The following DIP2A variants were observed in gnomAD, a reference collection of about 807,000 sequenced individuals.
DIP2A encodes the protein DIP2 acetate--CoA ligase A.
In DIP2A, 85 loss-of-function variants were observed where a neutral mutation model predicts 177.4. The observed-to-expected ratio is 0.48, with a 90% confidence interval of 0.40 to 0.57. The LOEUF (loss-of-function observed/expected upper bound fraction) is 0.57. Among genes scored for constraint, DIP2A ranks in the 20% least tolerant of loss-of-function variants. DIP2A has a pLI of 0.00. For missense variants in DIP2A, 1,791 were observed against 2,100.2 expected (o/e 0.85, Z 2.88); for synonymous variants, 886 against 881.8 (o/e 1.00, Z -0.08).
chr21:46,477,571 T>TGTGTGTGTGTG (rs762054063), intron 1 of DIP2A, among the ~76,000 whole-genome samples: 2,749 of 66,328 alleles, frequency 0.041, 91 homozygotes, highest in Non-Finnish European at 0.049. Flanking sequence ...GTGTGTGTAT[T>TGTGTGTGTGTG]TCTTTTTTTT....
In DIP2A at chr21:46,556,037, C is replaced by T. The variant is rs1347470346; in HGVS notation, c.3444C>T (p.Val1148=). The T allele has an allele frequency of 3.1e-6, 5 of 1,613,964 alleles. No individual in the cohort carries two copies. The highest frequency in any genetic ancestry group is 2.5e-6 in the Non-Finnish European group (3 of 1,179,882). Residue 1148 remains valine, a synonymous_variant, in exon 29 of 38, where the codon GTC becomes GTT. Transcript: ENST00000417564. The surrounding 1 kb of genome is among the most constrained non-coding windows in gnomAD (Gnocchi z 4.5). The part of the protein sequence containing the change: ...ASVFRPPSPD[V]LAYLDFSVST... ...TTTTCAGGCCCCCCTCCCCCGATGT[C>T]CTCGCATACTTGGACTTCAGCGTGT...
Position 46,569,658 on chromosome 21 carries a change from C to G in DIP2A, c.*2036C>G, listed in dbSNP as rs1444311137. ...GAATTACTCTGGGAATTCTGTATAT[C>G]ACACTAAAATTTTTATATCATTATG... On this transcript the variant is annotated 3_prime_UTR_variant, in exon 38 of 38. Transcript: ENST00000417564. 1 of 152,120 alleles carries G rather than the reference C, an allele frequency of 6.6e-6. No homozygotes were observed. The highest frequency in any genetic ancestry group is 2.4e-5 in the African/African-American group (1 of 41,430). 9.4% of individuals were successfully genotyped at this position (152,120 alleles called of 1,614,324 possible).
intron 33 of DIP2A, 174 bp from the exon 34 acceptor site, chr21:46,561,574 C>T (rs2060663823): frequency 1.2e-6 from 1 of 837,302 alleles, no homozygotes; most frequent in African/African-American, 1.7e-5. Flanking sequence ...CTTGGGACCG[C>T]AGCGTGGTTG....
intron 1 of DIP2A, among the ~76,000 whole-genome samples, chr21:46,476,443 T>G (rs1205296043): frequency 6.6e-6 from 1 of 151,908 alleles, no homozygotes; most frequent in Non-Finnish European, 1.5e-5. Context: ...TGGAGAAGAG[T>G]GCCCGAGGAA....
At chr21:46,517,508 G>A (rs1415371542) in intron 8 of DIP2A, among the ~76,000 whole-genome samples, 1 of 152,196 alleles carries the variant, frequency 6.6e-6, no homozygotes, top group Non-Finnish European at 1.5e-5. Flanking sequence ...GTCCAGTCAT[G>A]CCTGGCCCAG....
chr21:46,567,807 A>G lies in DIP2A; in HGVS notation c.*185A>G. The G allele has an allele frequency of 1.5e-6, 1 of 668,382 alleles. No individual in the cohort carries two copies. The highest frequency in any genetic ancestry group is 2.3e-6 in the Non-Finnish European group (1 of 440,400). The allele number at this position is 668,382 out of a possible 1,614,324, so 41.4% of individuals were successfully genotyped here. ...CTGAATTATTTAAAGAAATATTTTG[A>G]ATCTGCCAAGTACATTTACAAAAAC... On this transcript the variant is annotated 3_prime_UTR_variant, in exon 38 of 38. Coordinates refer to ENST00000417564, the MANE Select transcript of DIP2A (RefSeq NM_015151.4).
Position 46,567,682 on chromosome 21 carries a change from G to A in DIP2A, c.*60G>A. The stretch of plus-strand genomic sequence containing the variant: ...GAGCCCCAGCAGTCCAAGGTGTGAT[G>A]TGGGAAGACACCGCAGAGCTCACTC... On this transcript the variant is annotated 3_prime_UTR_variant, in exon 38 of 38. Coordinates refer to ENST00000417564, the MANE Select transcript of DIP2A (RefSeq NM_015151.4). 6.5e-7 allele frequency: 1 copy of A among 1,532,318 alleles called. No individual in the cohort carries two copies. Among genetic ancestry groups the A allele is most frequent in the Non-Finnish European group, 8.8e-7 (1 of 1,139,268 alleles). The allele number at this position is 1,532,318 out of a possible 1,614,324, so 94.9% of individuals were successfully genotyped here. A position where few individuals can be genotyped will look rare whatever the true frequency, so the allele number is the denominator to read the frequency against.
Position 46,549,785 on chromosome 21 carries a change from C to T in DIP2A, c.2537C>T (p.Ser846Phe). 6.2e-7 allele frequency: 1 copy of T among 1,613,820 alleles called. No individual in the cohort carries two copies. ...TCATCCCGCAGGATCGCTGTGTTCT[C>T]TGTGACCGTGCTGCACGACGACCGG... Reference protein sequence around the residue: ...FVYRGRIAVFSVTVLHDDRIV... With the variant: ...FVYRGRIAVFFVTVLHDDRIV... Residue 846 changes from serine to phenylalanine, a missense_variant, in exon 22 of 38, where the codon TCT becomes TTT. Coordinates refer to ENST00000417564, the MANE Select transcript of DIP2A (RefSeq NM_015151.4).
chr21:46,526,822 T>C (rs2059115717), intron 8 of DIP2A, among the ~76,000 whole-genome samples: 2 of 152,292 alleles, frequency 1.3e-5, no homozygotes, highest in Middle Eastern at 3.4e-3. Context: ...CAAATAATGG[T>C]AGTTATATTT....
intron 8 of DIP2A, 31 bp from the exon 9 acceptor site, chr21:46,529,055 AAATTTT>A (rs2148737272): frequency 5.3e-6 from 7 of 1,313,638 alleles, no homozygotes; most frequent in African/African-American, 1.5e-5. Flanking sequence ...CTTGTTTCTT[AAATTTT>A]ACATTGCTTA....
intron 8 of DIP2A, among the ~76,000 whole-genome samples, chr21:46,516,819 C>A (rs1442137509): frequency 6.6e-6 from 1 of 151,948 alleles, no homozygotes; most frequent in African/African-American, 2.4e-5. Flanking sequence ...GCTGTGAAAT[C>A]CTGATGAGTT....
At chr21:46,510,776 G>A (rs936713407) in intron 7 of DIP2A, among the ~76,000 whole-genome samples, 4 of 151,456 alleles carry the variant, frequency 2.6e-5, no homozygotes, top group Middle Eastern at 3.4e-3. Context: ...TACTACAGGC[G>A]TCCACCACCA....
intron 3 of DIP2A, among the ~76,000 whole-genome samples, chr21:46,495,276 CTCTGTT>C (rs2057290281): frequency 7.0e-6 from 1 of 143,254 alleles, no homozygotes; most frequent in Admixed American, 7.0e-5. Context: ...CTCTCTCTCT[CTCTGTT>C]TTTGAGATGG....
chr21:46,532,831 G>GA lies in DIP2A; in HGVS notation c.1305+602dup, dbSNP rs981053170. Among the ~76,000 whole-genome samples the GA allele has an allele frequency of 2.6e-5, 4 of 151,650 alleles. No individual in the cohort carries two copies. The South Asian group carries it at 6.3e-4, about 24-fold the overall frequency. ...TATAACTATCAATAATATGATTACT[G>GA]AAAAAAAATAGACAAGGCATGAATT... is the stretch of plus-strand genomic sequence containing the variant. On this transcript the variant is annotated intron_variant, in intron 10 of 37. Transcript: ENST00000417564.
At chr21:46,506,804 C>CT (rs56782646) in intron 6 of DIP2A, among the ~76,000 whole-genome samples, 19,039 of 73,990 alleles carry the variant, frequency 0.26, 3,504 homozygotes, top group East Asian at 0.33. Flanking sequence ...TCTTTCTTCT[C>CT]TTTTTTTTTT....
In DIP2A at chr21:46,566,665, A is replaced by G. The variant is rs759395635; in HGVS notation, c.4445A>G (p.His1482Arg). 1.2e-6 allele frequency: 2 copies of G among 1,614,098 alleles called. No individual in the cohort carries two copies. Among genetic ancestry groups the G allele is most frequent in the African/African-American group, 2.7e-5 (2 of 74,938 alleles). ...ATTGAGACCTCTGTCATCCGAGCAC[A>G]CAGGAGCATCGCTGAGTGGTAAGAG... ...IDIETSVIRA[H>R]RSIAECAVFT... The change falls in exon 37 of 38, where the codon CAC becomes CGC. Residue 1482 changes from histidine to arginine, a missense_variant. His to Arg is a conservative substitution (Grantham distance 29). Coordinates refer to ENST00000417564, the MANE Select transcript of DIP2A (RefSeq NM_015151.4).
At chr21:46,511,181 A>ACAAC (rs922865364) in intron 7 of DIP2A, among the ~76,000 whole-genome samples, 1 of 152,182 alleles carries the variant, frequency 6.6e-6, no homozygotes, top group Non-Finnish European at 1.5e-5. Context: ...GGTTGTGGTC[A>ACAAC]CCAGGATGGT....
At chr21:46,519,967 A>C (rs968687224) in intron 8 of DIP2A, among the ~76,000 whole-genome samples, 1 of 134,572 alleles carries the variant, frequency 7.4e-6, no homozygotes, top group Non-Finnish European at 1.5e-5. Context: ...CTCCGCCTCC[A>C]GGGTTCACGC....
At chr21:46,529,958 T>C (rs1389929313) in intron 9 of DIP2A, among the ~76,000 whole-genome samples, 1 of 152,218 alleles carries the variant, frequency 6.6e-6, no homozygotes, top group African/African-American at 2.4e-5. Flanking sequence ...CATTTGGGGC[T>C]ATTTAAATTA....
Sources: allele counts gnomAD v4.1 joint callset (sites outside exome capture counted in the v4.1 genomes callset), GRCh38; gene constraint gnomAD v4.1.1; non-coding constraint Gnocchi (gnomAD v3.1); transcripts MANE v1.5; gene names NCBI Gene and HGNC (gene_info 2026-07-23, HGNC 2026-07-21).